The following STX8 variants were observed in gnomAD, a reference collection of about 807,000 sequenced individuals.
The protein encoded by STX8 is syntaxin-8.
In STX8, 23 loss-of-function variants were observed where a neutral mutation model predicts 37.5. The ratio of observed to expected loss-of-function variants is 0.61; its 90% CI spans 0.44 to 0.87. The LOEUF is 0.87. Ranked by LOEUF, STX8 falls within the 40% of genes least tolerant of loss-of-function variation. STX8 has a pLI of 0.00. For synonymous variants in STX8, 115 were observed against 99.1 expected (o/e 1.16, Z -0.95); for missense variants, 313 against 284.7 (o/e 1.10, Z -0.71).
intron 7 of STX8, among the ~76,000 whole-genome samples, chr17:9,353,376 T>C (rs1910773070): frequency 6.6e-6 from 1 of 152,216 alleles, no homozygotes; most frequent in African/African-American, 2.4e-5. Context: ...TGAATAGTAT[T>C]TAGAAACCAA....
intron 4 of STX8, among the ~76,000 whole-genome samples, chr17:9,522,196 G>A (rs1338853408): frequency 1.3e-5 from 2 of 152,084 alleles, no homozygotes; most frequent in Non-Finnish European, 2.9e-5. Flanking sequence ...GCAAAAAGGG[G>A]TGATACACAA....
Position 9,505,023 on chromosome 17 carries a change from C to T in STX8, c.448+15G>A. Reference sequence around the variant, plus strand: ...GCAAGGTTTCTGAGCCCACACTCCTCAGGATATTTAGTACCTTGGATAATT... The same window carrying T: ...GCAAGGTTTCTGAGCCCACACTCCTTAGGATATTTAGTACCTTGGATAATT... On this transcript the variant is annotated intron_variant, in intron 5 of 7. Coordinates refer to ENST00000306357, the MANE Select transcript of STX8 (RefSeq NM_004853.3). The T allele has an allele frequency of 1.3e-6, 2 of 1,585,208 alleles. No individual in the cohort carries two copies. The highest frequency in any genetic ancestry group is 2.7e-5 in the African/African-American group (2 of 72,920).
intron 7 of STX8, among the ~76,000 whole-genome samples, chr17:9,369,609 T>G (rs1163256240): frequency 6.6e-6 from 1 of 152,118 alleles, no homozygotes; most frequent in East Asian, 1.9e-4. Flanking sequence ...AAAAGCATGT[T>G]GGTCAGGCAC....
intron 7 of STX8, among the ~76,000 whole-genome samples, chr17:9,289,611 C>A (rs1436287565): frequency 2.2e-5 from 3 of 135,990 alleles, no homozygotes; most frequent in African/African-American, 2.7e-5. Context: ...CCCATCTCTA[C>A]TAAAAAAAAA....
In STX8 at chr17:9,412,100, C is replaced by T. The variant is rs112729295; in HGVS notation, c.542-33447G>A. On this transcript the variant is annotated intron_variant, in intron 6 of 7. Transcript: ENST00000306357. The stretch of plus-strand genomic sequence containing the variant: ...TGAGTATTCAGTCAACTTGAGTTGA[C>T]GGAGGATTAAAAAATACACAAATAC... Among the ~76,000 whole-genome samples, 8 of 152,060 alleles carry T rather than the reference C, an allele frequency of 5.3e-5. 1 individual carries two copies. The highest frequency in any genetic ancestry group is 1.2e-4 in the African/African-American group (5 of 41,456).
intron 3 of STX8, among the ~76,000 whole-genome samples, chr17:9,549,191 TGTATC>T (rs929498535): frequency 1.3e-5 from 2 of 152,114 alleles, no homozygotes; most frequent in African/African-American, 2.4e-5. Context: ...TAATGAGAAA[TGTATC>T]AGTAGAAAGT....
At chr17:9,515,924 G>C (rs1192307185) in intron 4 of STX8, among the ~76,000 whole-genome samples, 2 of 152,120 alleles carry the variant, frequency 1.3e-5, no homozygotes, top group Non-Finnish European at 2.9e-5. Flanking sequence ...CTTCGAAGAA[G>C]GGGGAAGAAT....
At chr17:9,375,703 G>A (rs566150839) in intron 7 of STX8, among the ~76,000 whole-genome samples, 1 of 152,180 alleles carries the variant, frequency 6.6e-6, no homozygotes, top group South Asian at 2.1e-4. Context: ...CAAAAACCAC[G>A]TTTACTTTTG....
intron 4 of STX8, among the ~76,000 whole-genome samples, chr17:9,524,451 C>CT (rs542776943): frequency 2.8e-4 from 43 of 152,098 alleles, no homozygotes; most frequent in African/African-American, 9.2e-4. Flanking sequence ...TCCCTTCAAT[C>CT]TTTTTTTTAT....
chr17:9,395,082 A>C (rs1912352384), intron 6 of STX8, among the ~76,000 whole-genome samples: 1 of 151,646 alleles, frequency 6.6e-6, no homozygotes, highest in Admixed American at 6.6e-5. Context: ...TCTCAAAAAA[A>C]AAAAAAGTTT....
At chr17:9,514,207 G>T (rs549879784) in intron 4 of STX8, among the ~76,000 whole-genome samples, 2 of 152,156 alleles carry the variant, frequency 1.3e-5, no homozygotes, top group Non-Finnish European at 2.9e-5. Context: ...AAATGTTTGA[G>T]ATTATGAATG....
At chr17:9,362,776 T>C (rs1240866506) in intron 7 of STX8, among the ~76,000 whole-genome samples, 1 of 149,616 alleles carries the variant, frequency 6.7e-6, no homozygotes, top group East Asian at 2.0e-4. Flanking sequence ...GAGCTGAGAT[T>C]GTGCCACTGC....
chr17:9,387,738 G>A (rs1309861124), intron 6 of STX8, among the ~76,000 whole-genome samples: 2 of 152,162 alleles, frequency 1.3e-5, no homozygotes, highest in African/African-American at 4.8e-5. Flanking sequence ...ATTGCGTGAT[G>A]CATCAACGCC....
chr17:9,308,638 G>C (rs1393463106), intron 7 of STX8, among the ~76,000 whole-genome samples: 1 of 148,748 alleles, frequency 6.7e-6, no homozygotes, highest in Non-Finnish European at 1.5e-5. Flanking sequence ...CGGGAGAATT[G>C]CTTGAACCTG....
chr17:9,306,736 G>T (rs956599739), intron 7 of STX8, among the ~76,000 whole-genome samples: 3 of 151,788 alleles, frequency 2.0e-5, no homozygotes, highest in Admixed American at 2.0e-4. Context: ...CTACACTCAC[G>T]CCTGGGCAAC....
At chr17:9,535,254 C>T (rs1905982357) in intron 4 of STX8, among the ~76,000 whole-genome samples, 1 of 151,812 alleles carries the variant, frequency 6.6e-6, no homozygotes, top group Admixed American at 6.6e-5. Flanking sequence ...ATATGTTAGT[C>T]TGGAGTAGGA....
At chr17:9,462,489 A>C (rs1462377847) in intron 6 of STX8, among the ~76,000 whole-genome samples, 2 of 152,128 alleles carry the variant, frequency 1.3e-5, no homozygotes, top group South Asian at 2.1e-4. Flanking sequence ...TGGGAGGCCG[A>C]GGTGGGAGGA....
At chr17:9,523,659 T>G (rs950367402) in intron 4 of STX8, among the ~76,000 whole-genome samples, 1 of 152,224 alleles carries the variant, frequency 6.6e-6, no homozygotes, top group Non-Finnish European at 1.5e-5. Context: ...AACATTACTG[T>G]TTTCACTTTA....
chr17:9,361,228 C>G lies in STX8; in HGVS notation c.643+17324G>C, dbSNP rs191822065. Among the ~76,000 whole-genome samples, 33 of 152,280 alleles carry G rather than the reference C, an allele frequency of 2.2e-4. 1 individual carries two copies. Among genetic ancestry groups the G allele is most frequent in the Admixed American group, 1.6e-3 (25 of 15,296 alleles). On this transcript the variant is annotated intron_variant, in intron 7 of 7. Transcript: ENST00000306357. Reference sequence around the variant, plus strand: ...AAAGAAAAAAAAATTATTAATGCAACATCTGGAGTTAAGTTATTTAAAAGC... The same window carrying G: ...AAAGAAAAAAAAATTATTAATGCAAGATCTGGAGTTAAGTTATTTAAAAGC...
Sources: gnomAD v4.1 joint callset for allele counts (sites outside exome capture counted in the v4.1 genomes callset) on GRCh38, gnomAD v4.1.1 for gene constraint, MANE v1.5 for transcripts, NCBI Gene and HGNC (gene_info 2026-07-23, HGNC 2026-07-21) for gene names.